The following MED27 variants were observed in gnomAD, a reference collection of about 807,000 sequenced individuals.
The protein encoded by MED27 is mediator of RNA polymerase II transcription subunit 27.
A neutral mutation model predicts 38.2 loss-of-function variants in MED27; 30 were observed. The ratio of observed to expected loss-of-function variants is 0.79; its 90% CI spans 0.59 to 1.07. The LOEUF is 1.07. MED27 is among the 50% of genes least tolerant of loss of function. MED27 has a pLI of 0.00. For missense variants in MED27, 289 were observed against 397.5 expected (o/e 0.73, Z 2.32); for synonymous variants, 122 against 153.5 (o/e 0.79, Z 1.52).
chr9:131,934,682 C>T (rs1830649452), intron 4 of MED27, among the ~76,000 whole-genome samples: 1 of 152,148 alleles, frequency 6.6e-6, no homozygotes, highest in Non-Finnish European at 1.5e-5. Context: ...AATAGAGCTA[C>T]CATATGACCC....
At chr9:131,931,768 C>A (rs1192991507) in intron 4 of MED27, among the ~76,000 whole-genome samples, 2 of 152,062 alleles carry the variant, frequency 1.3e-5, no homozygotes, top group Admixed American at 1.3e-4. Context: ...AGAAGGTCAT[C>A]ATATAATGCT....
At chr9:132,055,369 T>G (rs762410957) in intron 2 of MED27, among the ~76,000 whole-genome samples, 1 of 152,222 alleles carries the variant, frequency 6.6e-6, no homozygotes, top group Non-Finnish European at 1.5e-5. Flanking sequence ...ATTGCAACTC[T>G]GCAGGCCTAA....
At chr9:132,025,129 C>T (rs1589273389) in intron 2 of MED27, among the ~76,000 whole-genome samples, 1 of 150,756 alleles carries the variant, frequency 6.6e-6, no homozygotes, top group Non-Finnish European at 1.5e-5. Flanking sequence ...TAAAGTCATA[C>T]ATATTAACAA....
chr9:131,919,091 T>C (rs1463871850), intron 4 of MED27, among the ~76,000 whole-genome samples: 1 of 152,182 alleles, frequency 6.6e-6, no homozygotes, highest in Non-Finnish European at 1.5e-5. Context: ...ATAATAGCAA[T>C]TTCAAGAGTA....
intron 4 of MED27, among the ~76,000 whole-genome samples, chr9:131,897,854 C>T (rs899667765): frequency 7.9e-5 from 12 of 152,322 alleles, no homozygotes; most frequent in East Asian, 3.9e-4. Flanking sequence ...CAAGTCTGCT[C>T]GTATCAGGAT....
At chr9:131,929,458 T>C (rs1213657554) in intron 4 of MED27, among the ~76,000 whole-genome samples, 1 of 152,114 alleles carries the variant, frequency 6.6e-6, no homozygotes, top group East Asian at 1.9e-4. Context: ...TAGATGGTAT[T>C]TCTGGACCTG....
intron 2 of MED27, among the ~76,000 whole-genome samples, chr9:132,048,309 C>T (rs1352562957): frequency 6.6e-6 from 1 of 152,156 alleles, no homozygotes; most frequent in Non-Finnish European, 1.5e-5. Context: ...GCAGGAATCT[C>T]AATTACTCGT....
intron 3 of MED27, among the ~76,000 whole-genome samples, chr9:131,943,792 A>AT (rs1284587174): frequency 2.0e-5 from 3 of 152,240 alleles, no homozygotes; most frequent in Admixed American, 2.0e-4. Context: ...AGGCTTTCGA[A>AT]AATGGAGAGC....
rs185900551 is a variant in MED27 at position 132,018,483 on chromosome 9, C to A, written c.349-4016G>T. Among the ~76,000 whole-genome samples the A allele has an allele frequency of 4.3e-4, 66 of 152,332 alleles. 1 individual carries two copies. Among genetic ancestry groups the A allele is most frequent in the Middle Eastern group, 3.4e-3 (1 of 294 alleles). On this transcript the variant is annotated intron_variant, in intron 2 of 7. Transcript: ENST00000292035. ...CGTTCATTCTCCACTTGCATGATGT[C>A]TTCTGCATTGTTCTGAATGCTTCTA...
intron 2 of MED27, among the ~76,000 whole-genome samples, chr9:132,070,687 AT>A (rs60857406): frequency 0.59 from 89,582 of 151,860 alleles, 27,799 homozygotes; most frequent in Non-Finnish European, 0.68. Context: ...GTGTGCACAA[AT>A]ATCTGCCTGG....
At chr9:132,023,989 C>T (rs796579905) in intron 2 of MED27, among the ~76,000 whole-genome samples, 13 of 152,220 alleles carry the variant, frequency 8.5e-5, no homozygotes, top group African/African-American at 2.9e-4. Flanking sequence ...GAGGAGGCAA[C>T]GGGTCCAAGG....
chr9:132,013,287 A>C (rs1832521940), intron 3 of MED27, among the ~76,000 whole-genome samples: 1 of 152,266 alleles, frequency 6.6e-6, no homozygotes, highest in South Asian at 2.1e-4. Context: ...TGAATCTAAC[A>C]CATATGATGT....
chr9:132,007,020 G>A (rs1270035233), intron 3 of MED27, among the ~76,000 whole-genome samples: 1 of 152,198 alleles, frequency 6.6e-6, no homozygotes, highest in African/African-American at 2.4e-5. Context: ...TAATGTGCAA[G>A]GCGGTGGCAG....
chr9:132,054,900 C>A (rs1833543548), intron 2 of MED27, among the ~76,000 whole-genome samples: 1 of 152,208 alleles, frequency 6.6e-6, no homozygotes, highest in African/African-American at 2.4e-5. Context: ...CCACGTCTGC[C>A]TGTCAGAAGC....
intron 3 of MED27, among the ~76,000 whole-genome samples, chr9:131,989,739 C>G (rs1831930382): frequency 6.6e-6 from 1 of 151,736 alleles, no homozygotes; most frequent in African/African-American, 2.4e-5. Context: ...ATCCATGTTG[C>G]CATCCTGTTT....
At position 131,860,513 on chromosome 9, in the gene MED27, T is replaced by C. The variant is rs1302613088; in HGVS notation, c.*25A>G. The C allele has an allele frequency of 1.3e-6, 2 of 1,495,470 alleles. No individual in the cohort carries two copies. Among genetic ancestry groups the C allele is most frequent in the Non-Finnish European group, 1.8e-6 (2 of 1,122,680 alleles). The allele number at this position is 1,495,470 out of a possible 1,614,324, so 92.6% of individuals were successfully genotyped here. On this transcript the variant is annotated 3_prime_UTR_variant, in exon 8 of 8. Coordinates refer to ENST00000292035, the MANE Select transcript of MED27 (RefSeq NM_004269.4). The surrounding 1 kb of genome is among the most constrained non-coding windows in gnomAD (Gnocchi z 5.8). ...GTGTCTGGGAAGGTGCTGGGTGGGG[T>C]CTGAGGCTGGGGCCAGCGTGGGGGC...
intron 4 of MED27, among the ~76,000 whole-genome samples, chr9:131,904,873 C>G (rs1223070175): frequency 6.6e-6 from 1 of 152,154 alleles, no homozygotes; most frequent in East Asian, 1.9e-4. Flanking sequence ...GGTTTTCATG[C>G]CTGGGAAGGG....
intron 3 of MED27, among the ~76,000 whole-genome samples, chr9:132,009,787 C>T (rs979246056): frequency 1.3e-5 from 2 of 152,182 alleles, no homozygotes; most frequent in Admixed American, 6.5e-5. Context: ...TGTTATGAAG[C>T]AATAGATAAT....
At chr9:131,984,164 C>T (rs1831800671) in intron 3 of MED27, among the ~76,000 whole-genome samples, 1 of 152,164 alleles carries the variant, frequency 6.6e-6, no homozygotes, top group East Asian at 1.9e-4. Context: ...GTTTCCCTGA[C>T]CGTTCTTTTT....
Sources: gnomAD v4.1 joint callset for allele counts (sites outside exome capture counted in the v4.1 genomes callset) on GRCh38, gnomAD v4.1.1 for gene constraint, Gnocchi (gnomAD v3.1) non-coding constraint, MANE v1.5 for transcripts, NCBI Gene and HGNC (gene_info 2026-07-23, HGNC 2026-07-21) for gene names.